The following CACHD1 variants were observed in gnomAD, a reference collection of about 807,000 sequenced individuals.
CACHD1 encodes the protein VWFA and cache domain-containing protein 1.
In CACHD1, 71 loss-of-function variants were observed where a neutral mutation model predicts 138.7. The observed-to-expected ratio is 0.51, with a 90% CI of 0.42 to 0.62. CACHD1 has a LOEUF of 0.62. Among genes scored for constraint, CACHD1 ranks in the 20% least tolerant of loss-of-function variants. The pLI, the probability that CACHD1 is intolerant of heterozygous loss-of-function variation, is 0.00. For synonymous variants in CACHD1, 578 were observed against 591.5 expected, an observed-to-expected ratio of 0.98 and a Z score of 0.33; for missense variants, 1,389 against 1,625.3, an observed-to-expected ratio of 0.85 and a Z score of 2.50.
At chr1:64,671,468 T>C in intron 16 of CACHD1, 96 bp from the exon 17 acceptor site, 2 of 1,289,690 alleles carry the variant, frequency 1.6e-6, no homozygotes, top group East Asian at 2.3e-5. Context: ...AGTGGGAAGG[T>C]ATTTCTAATA....
At chr1:64,635,830 G>A (rs1648506096) in intron 7 of CACHD1, among the ~76,000 whole-genome samples, 2 of 151,988 alleles carry the variant, frequency 1.3e-5, no homozygotes, top group Admixed American at 6.6e-5. Context: ...TCTGTTTATA[G>A]GCTGGGCGCG....
Position 64,675,261 on chromosome 1 carries a change from T to A in CACHD1, c.2728-140T>A, listed in dbSNP as rs1649946921. 6 of 605,486 alleles carry A rather than the reference T, an allele frequency of 9.9e-6. 1 individual carries two copies. In the East Asian group the frequency reaches 1.7e-4, roughly 17 times the overall value. The allele number at this position is 605,486 out of a possible 1,614,324, so 37.5% of individuals were successfully genotyped here. A position where few individuals can be genotyped will look rare whatever the true frequency, so the allele number is the denominator to read the frequency against. On this transcript the variant is annotated intron_variant, in intron 19 of 26. Transcript: ENST00000651257. The stretch of plus-strand genomic sequence containing the variant: ...TAAATTTTTAACAGTGACTATATAT[T>A]TTTTAACAGTGACTTTTGTAATCAG...
chr1:64,502,106 GA>G lies in CACHD1; in HGVS notation c.198+31168del, dbSNP rs1427775456. ...GTTGTTGTTGTTTTTAAAGGCTAAGGAAAAGAAGCAACAGAGATTTTTCCTT... is the reference window on the plus strand; with the variant it reads ...GTTGTTGTTGTTTTTAAAGGCTAAGGAAAGAAGCAACAGAGATTTTTCCTT... On this transcript the variant is annotated intron_variant, in intron 1 of 26. Transcript: ENST00000651257. Among the ~76,000 whole-genome samples, 4 of 152,238 alleles carry G rather than the reference GA, an allele frequency of 2.6e-5. No individual in the cohort carries two copies. In the East Asian group the frequency reaches 7.7e-4, roughly 29 times the overall value.
intron 4 of CACHD1, among the ~76,000 whole-genome samples, chr1:64,625,787 T>C (rs1051364158): frequency 2.0e-5 from 3 of 152,178 alleles, no homozygotes; most frequent in Non-Finnish European, 4.4e-5. Flanking sequence ...AAAAATTTTT[T>C]AAAGTGTTCC....
intron 2 of CACHD1, among the ~76,000 whole-genome samples, chr1:64,560,148 G>T (rs1056504266): frequency 1.3e-5 from 2 of 152,026 alleles, no homozygotes; most frequent in Non-Finnish European, 2.9e-5. Context: ...AGAATGAATG[G>T]TAAAATATTA....
intron 4 of CACHD1, among the ~76,000 whole-genome samples, chr1:64,621,493 G>A (rs1456275609): frequency 2.6e-5 from 4 of 152,078 alleles, no homozygotes; most frequent in Non-Finnish European, 4.4e-5. Flanking sequence ...TCCTATGTAA[G>A]AGATACTAAA....
intron 4 of CACHD1, among the ~76,000 whole-genome samples, chr1:64,618,300 A>G (rs748503665): frequency 2.6e-5 from 4 of 152,176 alleles, no homozygotes; most frequent in Non-Finnish European, 4.4e-5. Flanking sequence ...CCGATTCTCT[A>G]CTTCTTGCCA....
In CACHD1 at chr1:64,653,866, G is replaced by A. The variant is rs145692694; in HGVS notation, c.1649G>A (p.Arg550Gln). The A allele has an allele frequency of 5.1e-5, 82 of 1,612,716 alleles. No individual in the cohort carries two copies. Among genetic ancestry groups the A allele is most frequent in the Middle Eastern group, 3.3e-4 (2 of 6,080 alleles). ...AATATTCCAAAATTTGAATTAGTTCGGCAAAATATCCTAAGGTAAGGAAAA... is the reference window on the plus strand; with the variant it reads ...AATATTCCAAAATTTGAATTAGTTCAGCAAAATATCCTAAGGTAAGGAAAA... The part of the protein sequence containing the change: ...YENIPKFELV[R>Q]QNILSLPLGS... The change falls in exon 11 of 27, where the codon CGG (arginine) becomes CAG (glutamine). Residue 550 changes from arginine to glutamine, a missense_variant. This residue lies in a region of CACHD1 where 1,000 missense variants were observed against 1,114.7 expected (regional missense o/e 0.90). Transcript: ENST00000651257.
intron 7 of CACHD1, among the ~76,000 whole-genome samples, chr1:64,640,873 T>C (rs952921426): frequency 1.5e-5 from 2 of 133,410 alleles, no homozygotes; most frequent in African/African-American, 5.1e-5. Flanking sequence ...TCTCTAATTG[T>C]AGGAAATTAA....
intron 9 of CACHD1, among the ~76,000 whole-genome samples, chr1:64,650,301 A>G (rs1480953618): frequency 6.6e-6 from 1 of 152,166 alleles, no homozygotes; most frequent in Non-Finnish European, 1.5e-5. Context: ...TTACTGATCT[A>G]TGAAAATGGC....
At chr1:64,478,978 A>G (rs1168650983) in intron 1 of CACHD1, among the ~76,000 whole-genome samples, 3 of 151,318 alleles carry the variant, frequency 2.0e-5, no homozygotes, top group Non-Finnish European at 4.4e-5. Flanking sequence ...TTCAGTTTAA[A>G]AAAAAAAAAA....
chr1:64,671,531 C>A (rs1429643400), intron 16 of CACHD1, 33 bp from the exon 17 acceptor site: 5 of 1,611,636 alleles, frequency 3.1e-6, no homozygotes, highest in Non-Finnish European at 4.2e-6. Context: ...ATAAGCCATG[C>A]CTATTGTTCT....
At chr1:64,682,224 G>A in intron 26 of CACHD1, 118 bp downstream of exon 26, 3 of 825,476 alleles carry the variant, frequency 3.6e-6, no homozygotes, top group Non-Finnish European at 4.0e-6. Context: ...CATGCCACTG[G>A]TTTATAAGAG....
chr1:64,491,274 A>T (rs917596165), intron 1 of CACHD1, among the ~76,000 whole-genome samples: 10 of 146,406 alleles, frequency 6.8e-5, no homozygotes, highest in African/African-American at 2.1e-4. Context: ...TTTTTTTTTT[A>T]AAGAAATGAT....
rs377003200 is a variant in CACHD1, at chr1:64,675,982, C to T, written c.2974C>T (p.Arg992Ter). The T allele has an allele frequency of 7.9e-6, 9 of 1,145,648 alleles. No homozygotes were observed. Among genetic ancestry groups the T allele is most frequent in the Non-Finnish European group, 1.0e-5 (9 of 857,392 alleles). 71.0% of individuals were successfully genotyped at this position (1,145,648 alleles called of 1,614,324 possible). The part of the protein sequence containing the change: ...CTGNLTNAEN[R>*]NPSCEVHQEP... ...TGGCAACCTCACCAATGCAGAGAAC[C>T]GGTAAAATAATTAATAATAATAATA... Residue 992 changes from arginine (R) to a stop codon, truncating the protein, a stop_gained and splice_region_variant, in exon 21 of 27, where the codon CGA (arginine) becomes TGA (stop). Transcript: ENST00000651257. LOFTEE classifies it high-confidence loss of function.
chr1:64,519,535 G>A (rs1646482561), intron 1 of CACHD1, among the ~76,000 whole-genome samples: 1 of 152,188 alleles, frequency 6.6e-6, no homozygotes, highest in Admixed American at 6.6e-5. Context: ...TATCTGGTAA[G>A]TCTGAATTAA....
In CACHD1 at chr1:64,652,275, C is replaced by T; in HGVS notation, c.1505C>T (p.Ser502Phe). The change falls in exon 10 of 27, where the codon TCT becomes TTT. Residue 502 changes from serine (S) to phenylalanine (F), a missense_variant. Physicochemically the swap from Ser to Phe is radical, Grantham distance 155 (BLOSUM62 -2). Transcript: ENST00000651257. ...ILEDVTYYQD[S>F]LASYTFLIDD... ...GAAGACGTGACGTATTACCAAGACT[C>T]TTTGGCTTCCTATACTTTTCTCATA... 1 of 1,613,354 alleles carries T rather than the reference C, an allele frequency of 6.2e-7. No individual in the cohort carries two copies. Among genetic ancestry groups the T allele is most frequent in the Non-Finnish European group, 8.5e-7 (1 of 1,179,716 alleles).
At chr1:64,670,172 G>A (rs1649768102) in intron 16 of CACHD1, among the ~76,000 whole-genome samples, 1 of 152,182 alleles carries the variant, frequency 6.6e-6, no homozygotes, top group South Asian at 2.1e-4. Context: ...GCCCATTGTT[G>A]TGTGTCTGTA....
At chr1:64,565,416 G>A (rs1362774686) in intron 2 of CACHD1, among the ~76,000 whole-genome samples, 1 of 152,164 alleles carries the variant, frequency 6.6e-6, no homozygotes, top group Non-Finnish European at 1.5e-5. Flanking sequence ...AATGAATCAA[G>A]CAAGGACCAG....
Sources: gnomAD v4.1 joint callset for allele counts (sites outside exome capture counted in the v4.1 genomes callset) on GRCh38, gnomAD v4.1.1 for gene constraint, gnomAD v4.1.1 regional missense constraint, MANE v1.5 for transcripts, NCBI Gene and HGNC (gene_info 2026-07-23, HGNC 2026-07-21) for gene names.